Variants in NXPH1 observed in about 807,000 individuals in gnomAD.
NXPH1 encodes neurexophilin 1, also known as neurexophilin-1.
Under a neutral mutation model 23.7 loss-of-function variants are expected in NXPH1, and 5 were observed. The ratio of observed to expected loss-of-function variants is 0.21; its 90% confidence interval spans 0.11 to 0.44. NXPH1 has a LOEUF of 0.44. Ranked by LOEUF, NXPH1 falls within the 20% of genes least tolerant of loss-of-function variation. NXPH1 has a pLI of 0.99. For synonymous variants in NXPH1, 144 were observed against 122.2 expected, an observed-to-expected ratio of 1.18 and a Z score of -1.18; for missense variants, 324 against 321.6, an observed-to-expected ratio of 1.01 and a Z score of -0.06.
intron 2 of NXPH1, among the ~76,000 whole-genome samples, chr7:8,590,994 G>T (rs1819083470): frequency 6.6e-6 from 1 of 152,090 alleles, no homozygotes; most frequent in South Asian, 2.1e-4. Context: ...TAGCATGCCA[G>T]AAGCTGGAAA....
chr7:8,664,178 G>A (rs1162197355), intron 2 of NXPH1, among the ~76,000 whole-genome samples: 1 of 151,974 alleles, frequency 6.6e-6, no homozygotes, highest in Admixed American at 6.6e-5. Flanking sequence ...CGAAGGGTAA[G>A]CTTATCCCAT....
intron 2 of NXPH1, among the ~76,000 whole-genome samples, chr7:8,619,670 C>T (rs1454886902): frequency 6.6e-6 from 1 of 152,148 alleles, no homozygotes; most frequent in Non-Finnish European, 1.5e-5. Context: ...TTACAGATAT[C>T]ATGTCTTATC....
intron 2 of NXPH1, among the ~76,000 whole-genome samples, chr7:8,441,670 C>T (rs1205071292): frequency 6.6e-6 from 1 of 152,148 alleles, no homozygotes; most frequent in Non-Finnish European, 1.5e-5. Flanking sequence ...GCGCCCGTCT[C>T]AATTACTATG....
At chr7:8,580,219 C>G (rs1363953401) in intron 2 of NXPH1, among the ~76,000 whole-genome samples, 1 of 152,120 alleles carries the variant, frequency 6.6e-6, no homozygotes, top group African/African-American at 2.4e-5. Context: ...TATGCCGAAT[C>G]AAGAATGGGT....
chr7:8,530,745 G>A (rs942535047), intron 2 of NXPH1, among the ~76,000 whole-genome samples: 1 of 152,202 alleles, frequency 6.6e-6, no homozygotes, highest in Admixed American at 6.5e-5. Context: ...CTGCTGAGGA[G>A]CTCTGACTAC....
chr7:8,568,078 C>T (rs561583424), intron 2 of NXPH1, among the ~76,000 whole-genome samples: 1 of 151,882 alleles, frequency 6.6e-6, no homozygotes, highest in Non-Finnish European at 1.5e-5. Context: ...TAACATATAG[C>T]TTTAAAATTG....
intron 2 of NXPH1, among the ~76,000 whole-genome samples, chr7:8,487,206 A>G (rs372963161): frequency 6.6e-6 from 1 of 152,166 alleles, no homozygotes; most frequent in Non-Finnish European, 1.5e-5. Context: ...TAGATCCATC[A>G]TTAGTGATAT....
intron 2 of NXPH1, among the ~76,000 whole-genome samples, chr7:8,464,058 C>T (rs1159042975): frequency 6.6e-6 from 1 of 152,092 alleles, no homozygotes; most frequent in Non-Finnish European, 1.5e-5. Context: ...CTTAGTGGCT[C>T]TTAAGTGCTC....
chr7:8,545,589 AT>A (rs1252767503), intron 2 of NXPH1, among the ~76,000 whole-genome samples: 1 of 151,452 alleles, frequency 6.6e-6, no homozygotes, highest in African/African-American at 2.4e-5. Flanking sequence ...TTCTTTTTCT[AT>A]GTTTGAAACA....
At chr7:8,461,224 C>T (rs1816688838) in intron 2 of NXPH1, among the ~76,000 whole-genome samples, 1 of 152,194 alleles carries the variant, frequency 6.6e-6, no homozygotes, top group African/African-American at 2.4e-5. Context: ...TCCATCCTCC[C>T]TCTGTCACAT....
intron 2 of NXPH1, among the ~76,000 whole-genome samples, chr7:8,496,039 A>G (rs1372838386): frequency 1.3e-5 from 2 of 152,048 alleles, no homozygotes; most frequent in African/African-American, 2.4e-5. Flanking sequence ...TAGGGGCTTA[A>G]GAGGGACTAG....
intron 2 of NXPH1, among the ~76,000 whole-genome samples, chr7:8,699,838 T>C (rs971779893): frequency 1.3e-5 from 2 of 152,176 alleles, no homozygotes; most frequent in African/African-American, 4.8e-5. Flanking sequence ...ATGTTGCACC[T>C]TGCTCTTCAT....
intron 2 of NXPH1, among the ~76,000 whole-genome samples, chr7:8,515,239 C>T (rs1013351029): frequency 2.6e-5 from 4 of 152,088 alleles, no homozygotes; most frequent in Non-Finnish European, 4.4e-5. Flanking sequence ...AGATGTGTGT[C>T]TAGGTGGGAG....
chr7:8,441,865 C>A (rs1196758618), intron 2 of NXPH1, among the ~76,000 whole-genome samples: 1 of 151,696 alleles, frequency 6.6e-6, no homozygotes, highest in African/African-American at 2.4e-5. Context: ...AACCTAATTA[C>A]CTCCTCTGCA....
chr7:8,445,544 T>A (rs1044197118), intron 2 of NXPH1, among the ~76,000 whole-genome samples: 5 of 152,192 alleles, frequency 3.3e-5, no homozygotes, highest in African/African-American at 1.2e-4. Flanking sequence ...GGAATTTTAA[T>A]ACAATTGAAA....
chr7:8,555,081 C>T (rs539652184), intron 2 of NXPH1, among the ~76,000 whole-genome samples: 24 of 151,636 alleles, frequency 1.6e-4, no homozygotes, highest in Middle Eastern at 6.8e-3. Context: ...TGTAGGTCCT[C>T]AATAAAAGGC....
rs142173361 is a variant in NXPH1 at position 8,622,223 on chromosome 7, G to A, written c.55-128785G>A. On this transcript the variant is annotated intron_variant, in intron 2 of 2. Transcript: ENST00000405863. ...ATTATTAAGAACATCACAACTTCTA[G>A]GGATTGAATTAAAGTATTTGCATTA... Among the ~76,000 whole-genome samples, 414 of 152,262 alleles carry A rather than the reference G, an allele frequency of 2.7e-3. 1 individual carries two copies. Among genetic ancestry groups the A allele is most frequent in the African/African-American group, 9.5e-3 (397 of 41,580 alleles).
chr7:8,709,799 G>A (rs1240158811), intron 2 of NXPH1, among the ~76,000 whole-genome samples: 2 of 152,098 alleles, frequency 1.3e-5, no homozygotes, highest in Non-Finnish European at 2.9e-5. Context: ...TAAGAATCTA[G>A]AAATTATTTA....
At chr7:8,693,687 T>G (rs558471632) in intron 2 of NXPH1, among the ~76,000 whole-genome samples, 24 of 152,346 alleles carry the variant, frequency 1.6e-4, no homozygotes, top group Admixed American at 5.2e-4. Flanking sequence ...TTTGTTATTT[T>G]CTTTTCTTCA....
Sources: gnomAD v4.1 joint callset for allele counts (sites outside exome capture counted in the v4.1 genomes callset) on GRCh38, gnomAD v4.1.1 for gene constraint, MANE v1.5 for transcripts, NCBI Gene and HGNC (gene_info 2026-07-23, HGNC 2026-07-21) for gene names.